The following CDH12 variants were observed in gnomAD, a reference collection of about 807,000 sequenced individuals.
CDH12 encodes the protein cadherin-12.
In CDH12, 41 loss-of-function variants were observed where a neutral mutation model predicts 74.1. That is an observed-to-expected ratio of 0.55 (90% CI 0.43 to 0.72). CDH12 has a LOEUF of 0.72. CDH12 is among the 30% of genes least tolerant of loss of function. CDH12 has a pLI of 0.00. For missense variants in CDH12, 945 were observed against 977.2 expected (o/e 0.97, Z 0.44); for synonymous variants, 399 against 355.0 (o/e 1.12, Z -1.39).
intron 4 of CDH12, among the ~76,000 whole-genome samples, chr5:22,172,787 T>C (rs1330295171): frequency 1.3e-5 from 2 of 151,116 alleles, no homozygotes; most frequent in Non-Finnish European, 1.5e-5. Context: ...AATGAATTCA[T>C]TTAATTTATT....
intron 4 of CDH12, among the ~76,000 whole-genome samples, chr5:22,164,265 G>T (rs950915982): frequency 2.6e-5 from 4 of 152,168 alleles, no homozygotes; most frequent in African/African-American, 9.7e-5. Context: ...TGCAGTGAGT[G>T]TTATAGCTCT....
chr5:22,099,492 C>T (rs1364789309), intron 4 of CDH12, among the ~76,000 whole-genome samples: 1 of 152,186 alleles, frequency 6.6e-6, no homozygotes, highest in African/African-American at 2.4e-5. Flanking sequence ...CATTTAAGCT[C>T]CTGTATGGAC....
At chr5:22,061,170 T>C (rs1486321631) in intron 5 of CDH12, among the ~76,000 whole-genome samples, 1 of 152,174 alleles carries the variant, frequency 6.6e-6, no homozygotes, top group Non-Finnish European at 1.5e-5. Context: ...CTGATATATG[T>C]TATGTAGGAA....
In CDH12 at chr5:22,538,987, C is replaced by G. The variant is rs972326843; in HGVS notation, c.-522-33623G>C. 2.0e-5 allele frequency among the ~76,000 whole-genome samples: 3 copies of G among 152,302 alleles called. No individual in the cohort carries two copies. The East Asian group carries it at 5.8e-4, about 29-fold the overall frequency. On this transcript the variant is annotated intron_variant, in intron 1 of 14. Coordinates refer to ENST00000382254, the MANE Select transcript of CDH12 (RefSeq NM_004061.5). ...CATAGCTCACTGCAGCCTCAAACTC[C>G]TGGGCTCAAGTGATCCTCCCACCTC...
intron 2 of CDH12, among the ~76,000 whole-genome samples, chr5:22,489,757 G>T (rs553220421): frequency 1.4e-5 from 2 of 146,078 alleles, no homozygotes; most frequent in Admixed American, 7.0e-5. Context: ...GCACAAATAC[G>T]GTTCATTGCA....
intron 6 of CDH12, among the ~76,000 whole-genome samples, chr5:21,888,705 T>C (rs1579914455): frequency 6.6e-6 from 1 of 152,138 alleles, no homozygotes; most frequent in African/African-American, 2.4e-5. Context: ...TATTCCTACA[T>C]AGATATAAGT....
intron 5 of CDH12, among the ~76,000 whole-genome samples, chr5:21,996,988 G>T (rs1451546245): frequency 6.6e-6 from 1 of 151,832 alleles, no homozygotes; most frequent in Non-Finnish European, 1.5e-5. Context: ...AAAGAAATGG[G>T]ATTATTTGTT....
intron 4 of CDH12, among the ~76,000 whole-genome samples, chr5:22,162,446 A>T (rs990124648): frequency 1.3e-5 from 2 of 152,046 alleles, no homozygotes; most frequent in Non-Finnish European, 2.9e-5. Flanking sequence ...TTAAATTTGC[A>T]CTTTCCATCT....
chr5:22,444,190 T>C (rs1744731434), intron 2 of CDH12, among the ~76,000 whole-genome samples: 1 of 152,094 alleles, frequency 6.6e-6, no homozygotes, highest in African/African-American at 2.4e-5. Flanking sequence ...GGAGTGTCAC[T>C]AAAACACAAA....
chr5:22,023,236 G>A (rs1738104677), intron 5 of CDH12, among the ~76,000 whole-genome samples: 1 of 151,854 alleles, frequency 6.6e-6, no homozygotes, highest in African/African-American at 2.4e-5. Context: ...CACTTTTCTT[G>A]TATGTAGAAA....
At chr5:22,664,034 G>T (rs1317430800) in intron 1 of CDH12, among the ~76,000 whole-genome samples, 1 of 151,988 alleles carries the variant, frequency 6.6e-6, no homozygotes, top group Non-Finnish European at 1.5e-5. Context: ...TTATTATGCA[G>T]ATTACCGTGT....
chr5:22,366,631 A>T (rs55809611), intron 3 of CDH12, among the ~76,000 whole-genome samples: 61 of 152,320 alleles, frequency 4.0e-4, no homozygotes, highest in Admixed American at 1.4e-3. Context: ...ATACTTTTTC[A>T]TAAGTTGACA....
intron 3 of CDH12, among the ~76,000 whole-genome samples, chr5:22,343,142 A>G (rs956333054): frequency 6.6e-6 from 1 of 151,388 alleles, no homozygotes; most frequent in African/African-American, 2.4e-5. Context: ...GGCCTAAGCC[A>G]CCTCATCTGG....
intron 3 of CDH12, among the ~76,000 whole-genome samples, chr5:22,284,950 G>GAA (rs58641614): frequency 0.019 from 2,673 of 140,494 alleles, 46 homozygotes; most frequent in African/African-American, 0.04. Context: ...AAGAAGAAAT[G>GAA]AAAAAAAAAA....
intron 1 of CDH12, among the ~76,000 whole-genome samples, chr5:22,606,858 G>T (rs1339949748): frequency 2.0e-5 from 3 of 152,152 alleles, no homozygotes; most frequent in Non-Finnish European, 1.5e-5. Flanking sequence ...GGAATGTTTT[G>T]AACTTCCTAG....
intron 1 of CDH12, among the ~76,000 whole-genome samples, chr5:22,660,561 A>C (rs1396002978): frequency 6.6e-6 from 1 of 152,150 alleles, no homozygotes; most frequent in East Asian, 1.9e-4. Flanking sequence ...ACAGGCATGC[A>C]TCACCACGCC....
intron 3 of CDH12, among the ~76,000 whole-genome samples, chr5:22,212,994 T>C (rs575929472): frequency 6.6e-6 from 1 of 152,196 alleles, no homozygotes. Context: ...CTTAAACAAA[T>C]GTGCTTTCTC....
intron 4 of CDH12, among the ~76,000 whole-genome samples, chr5:22,110,215 T>G (rs1006704113): frequency 2.6e-5 from 4 of 152,190 alleles, no homozygotes; most frequent in African/African-American, 9.7e-5. Context: ...GCACCTGCTG[T>G]GTTTTGTTTA....
chr5:22,749,865 T>C (rs891709159), intron 1 of CDH12, among the ~76,000 whole-genome samples: 10 of 152,254 alleles, frequency 6.6e-5, no homozygotes, highest in Non-Finnish European at 1.5e-4. Flanking sequence ...TTATATTTGA[T>C]ACATTACGTT....
Sources: allele counts gnomAD v4.1 joint callset (sites outside exome capture counted in the v4.1 genomes callset), GRCh38; gene constraint gnomAD v4.1.1; transcripts MANE v1.5; gene names NCBI Gene and HGNC (gene_info 2026-07-23, HGNC 2026-07-21).